Variants in CSNK2A2 observed in about 807,000 individuals in gnomAD.
The protein encoded by CSNK2A2 is casein kinase 2 alpha 2.
In CSNK2A2, 8 loss-of-function variants were observed where a neutral mutation model predicts 54.0. That is an observed-to-expected ratio of 0.15 (90% CI 0.09 to 0.27). The LOEUF (loss-of-function observed/expected upper bound fraction) is 0.27. Among genes scored for constraint, CSNK2A2 ranks in the 10% least tolerant of loss-of-function variants. The pLI is 1.00. For synonymous variants in CSNK2A2, 141 were observed against 153.9 expected (o/e 0.92, Z 0.62); for missense variants, 242 against 439.4 (o/e 0.55, Z 4.02).
At chr16:58,173,746 T>C (rs1011531701) in intron 5 of CSNK2A2, among the ~76,000 whole-genome samples, 2 of 152,228 alleles carry the variant, frequency 1.3e-5, no homozygotes, top group African/African-American at 4.8e-5. Flanking sequence ...GGCATGTCTC[T>C]CTATAATATG....
rs1274266860 is a variant in CSNK2A2 at position 58,198,083 on chromosome 16, G to T, written c.-347C>A. On this transcript the variant is annotated 5_prime_UTR_variant, in exon 1 of 12. Transcript: ENST00000262506. The stretch of plus-strand genomic sequence containing the variant: ...CGGCCGGGAAAGGGGCAGCGGCGGC[G>T]GCAGCGGAGAAGAAGGAGGAGAGGA... Among the ~76,000 whole-genome samples the T allele has an allele frequency of 6.8e-6, 1 of 146,746 alleles. No homozygotes were observed. The highest frequency in any genetic ancestry group is 2.0e-4 in the East Asian group (1 of 5,088).
intron 5 of CSNK2A2, among the ~76,000 whole-genome samples, chr16:58,170,526 A>G (rs76387456): frequency 0.07 from 10,704 of 152,036 alleles, 517 homozygotes; most frequent in South Asian, 0.21. Flanking sequence ...TGTATGCTAA[A>G]TTTGTGTTTA....
At chr16:58,173,432 T>C (rs1232335208) in intron 5 of CSNK2A2, among the ~76,000 whole-genome samples, 1 of 152,142 alleles carries the variant, frequency 6.6e-6, no homozygotes, top group African/African-American at 2.4e-5. Context: ...CAGTTCATAG[T>C]TTTCATTAGG....
In CSNK2A2 at chr16:58,197,924, CGCCGGCCGA is replaced by C. The variant is rs1480663343; in HGVS notation, c.-197_-189del. 1 of 138,348 alleles carries C rather than the reference CGCCGGCCGA, an allele frequency of 7.2e-6. No individual in the cohort carries two copies. The highest frequency in any genetic ancestry group is 2.3e-4 in the South Asian group (1 of 4,442). 8.6% of individuals were successfully genotyped at this position (138,348 alleles called of 1,614,324 possible). On this transcript the variant is annotated 5_prime_UTR_variant, in exon 1 of 12. Transcript: ENST00000262506. The surrounding 1 kb of genome is among the most constrained non-coding windows in gnomAD (Gnocchi z 4.0). ...GCGGGCGGGCTGGGGGCGCGGGGGGCGCCGGCCGAGCCGGCCCGGCCCTGGAGCGGCCGG... is the reference window on the plus strand; with the variant it reads ...GCGGGCGGGCTGGGGGCGCGGGGGGCGCCGGCCCGGCCCTGGAGCGGCCGG...
intron 4 of CSNK2A2, among the ~76,000 whole-genome samples, chr16:58,178,159 G>A (rs1464593337): frequency 2.0e-5 from 3 of 151,914 alleles, no homozygotes; most frequent in Admixed American, 2.0e-4. Flanking sequence ...GAGTGATTTA[G>A]AAATCCTCCA....
chr16:58,184,875 A>T (rs1051044892), intron 3 of CSNK2A2, among the ~76,000 whole-genome samples: 3 of 152,156 alleles, frequency 2.0e-5, no homozygotes, highest in African/African-American at 7.2e-5. Context: ...ACCATCCGTG[A>T]TATTATCAAT....
chr16:58,175,452 A>C (rs749464222), intron 4 of CSNK2A2, among the ~76,000 whole-genome samples: 7 of 152,170 alleles, frequency 4.6e-5, no homozygotes, highest in Non-Finnish European at 8.8e-5. Context: ...AATGTAGGGA[A>C]TCTCTCCAGG....
At chr16:58,171,657 C>T (rs1961739769) in intron 5 of CSNK2A2, among the ~76,000 whole-genome samples, 1 of 151,988 alleles carries the variant, frequency 6.6e-6, no homozygotes, top group East Asian at 1.9e-4. Context: ...CTCTACCAGC[C>T]CTGTCCAATA....
In CSNK2A2 at chr16:58,189,114, G is replaced by A. The variant is rs531816266; in HGVS notation, c.217-2258C>T. Among the ~76,000 whole-genome samples, 34 of 152,084 alleles carry A rather than the reference G, an allele frequency of 2.2e-4. No individual in the cohort carries two copies. The East Asian group carries it at 2.9e-3, about 13-fold the overall frequency. The stretch of plus-strand genomic sequence containing the variant: ...TGGGACTACAGGTGTGTGCCACCAC[G>A]CCCAGCTAATTTTTTTGTATTTTTA... On this transcript the variant is annotated intron_variant, in intron 2 of 11. Transcript: ENST00000262506.
chr16:58,186,971 G>T, intron 2 of CSNK2A2, 115 bp from the exon 3 acceptor site: 1 of 749,704 alleles, frequency 1.3e-6, no homozygotes, highest in Non-Finnish European at 2.1e-6. Context: ...ACTCTGTTGT[G>T]TTCAAGAGTG....
At chr16:58,196,459 A>G (rs1423196131) in intron 2 of CSNK2A2, among the ~76,000 whole-genome samples, 3 of 152,068 alleles carry the variant, frequency 2.0e-5, no homozygotes, top group Non-Finnish European at 4.4e-5. Flanking sequence ...TGACTCTACA[A>G]AAAAATTTTA....
chr16:58,169,532 G>A (rs1197039319), intron 5 of CSNK2A2, among the ~76,000 whole-genome samples: 1 of 151,330 alleles, frequency 6.6e-6, no homozygotes, highest in Admixed American at 6.6e-5. Flanking sequence ...AGTGGGGAGG[G>A]GGGTGTGTGT....
At chr16:58,180,142 G>A (rs147756570) in intron 4 of CSNK2A2, among the ~76,000 whole-genome samples, 1 of 149,922 alleles carries the variant, frequency 6.7e-6, no homozygotes, top group East Asian at 1.9e-4. Context: ...CTCAAGAAAT[G>A]AAGAAGAAAA....
At chr16:58,171,528 G>A (rs967769193) in intron 5 of CSNK2A2, among the ~76,000 whole-genome samples, 6 of 151,880 alleles carry the variant, frequency 4.0e-5, no homozygotes, top group African/African-American at 1.5e-4. Context: ...AAGAATGCTT[G>A]TTATTTGAAG....
chr16:58,168,817 T>C, intron 5 of CSNK2A2, 124 bp from the exon 6 acceptor site: 1 of 705,122 alleles, frequency 1.4e-6, no homozygotes, highest in Non-Finnish European at 2.4e-6. Flanking sequence ...GCTTGCTGCC[T>C]GTAATGAAAG....
chr16:58,158,507 G>A (rs1961217827), intron 11 of CSNK2A2, among the ~76,000 whole-genome samples, 154 bp from the exon 12 acceptor site: 1 of 152,174 alleles, frequency 6.6e-6, no homozygotes, highest in African/African-American at 2.4e-5. Flanking sequence ...CTGAGTTCAG[G>A]TTTCCAACAG....
Position 58,197,544 on chromosome 16 carries a change from G to T in CSNK2A2, c.104+89C>A. The T allele has an allele frequency of 2.5e-6, 2 of 790,812 alleles. No individual in the cohort carries two copies. The highest frequency in any genetic ancestry group is 3.8e-6 in the Non-Finnish European group (2 of 527,228). 49.0% of individuals were successfully genotyped at this position (790,812 alleles called of 1,614,324 possible). A position where few individuals can be genotyped will look rare whatever the true frequency, so the allele number is the denominator to read the frequency against. On this transcript the variant is annotated intron_variant, in intron 1 of 11. Coordinates refer to ENST00000262506, the MANE Select transcript of CSNK2A2 (RefSeq NM_001896.4). The surrounding 1 kb of genome is among the most constrained non-coding windows in gnomAD (Gnocchi z 4.0). ...CGGGCCCGCGGAGGGGTCGGCGGGA[G>T]ACACCACCGGGCCCGAGTGCGGTTC... is the stretch of plus-strand genomic sequence containing the variant.
chr16:58,187,336 G>C (rs1468592130), intron 2 of CSNK2A2, among the ~76,000 whole-genome samples: 2 of 152,072 alleles, frequency 1.3e-5, no homozygotes, highest in African/African-American at 2.4e-5. Flanking sequence ...TTGCTTCCCA[G>C]CTGCTGGCTC....
At chr16:58,181,431 T>C (rs1962038568) in intron 4 of CSNK2A2, among the ~76,000 whole-genome samples, 1 of 152,174 alleles carries the variant, frequency 6.6e-6, no homozygotes, top group South Asian at 2.1e-4. Flanking sequence ...GAGGCTAAGA[T>C]ACCAGCAGCC....
Sources: allele counts gnomAD v4.1 joint callset (sites outside exome capture counted in the v4.1 genomes callset), GRCh38; gene constraint gnomAD v4.1.1; non-coding constraint Gnocchi (gnomAD v3.1); transcripts MANE v1.5; gene names NCBI Gene and HGNC (gene_info 2026-07-23, HGNC 2026-07-21).